NRXN3: variants seen among roughly 807,000 people sequenced by gnomAD.
The protein encoded by NRXN3 is neurexin III.
In NRXN3, 32 loss-of-function variants were observed where a neutral mutation model predicts 137.6. That is an observed-to-expected ratio of 0.23 (90% CI 0.18 to 0.31). NRXN3 has a LOEUF of 0.31. Ranked by LOEUF, NRXN3 falls within the 10% of genes least tolerant of loss-of-function variation. The pLI is 1.00. For missense variants in NRXN3, 1,574 were observed against 2,062.5 expected (o/e 0.76, Z 4.59); for synonymous variants, 798 against 784.5 (o/e 1.02, Z -0.29).
chr14:78,373,992 T>C (rs2087339394), intron 4 of NRXN3, among the ~76,000 whole-genome samples: 2 of 152,202 alleles, frequency 1.3e-5, no homozygotes, highest in Non-Finnish European at 2.9e-5. Flanking sequence ...GTTGTTGACT[T>C]TTTTGGTTTG....
intron 19 of NRXN3, among the ~76,000 whole-genome samples, chr14:79,720,198 G>A (rs1370631943): frequency 6.6e-6 from 1 of 152,144 alleles, no homozygotes; most frequent in Admixed American, 6.5e-5. Context: ...CAGCAGGCAA[G>A]AGTGTGTGTG....
Position 78,557,419 on chromosome 14 carries a change from A to G in NRXN3, c.758-87701A>G, listed in dbSNP as rs564681713. On this transcript the variant is annotated intron_variant, in intron 4 of 20. Transcript: ENST00000335750. ...TTGAATGAGGAAGGGGCAGTGTCAT[A>G]CAATGGAAGGAGCATAGTAACTCTA... 1.6e-4 allele frequency among the ~76,000 whole-genome samples: 24 copies of G among 152,200 alleles called. No homozygotes were observed. In the East Asian group the frequency reaches 4.3e-3, roughly 27 times the overall value.
At chr14:79,480,636 C>T (rs1053765117) in intron 16 of NRXN3, among the ~76,000 whole-genome samples, 3 of 152,110 alleles carry the variant, frequency 2.0e-5, no homozygotes, top group Non-Finnish European at 4.4e-5. Flanking sequence ...GGCTTGGATC[C>T]GTGTCCCCAT....
intron 7 of NRXN3, among the ~76,000 whole-genome samples, chr14:78,713,677 AG>A (rs1177517125): frequency 1.3e-5 from 2 of 152,226 alleles, no homozygotes; most frequent in African/African-American, 4.8e-5. Context: ...GGGAGGCCTC[AG>A]GACACTTACA....
intron 15 of NRXN3, among the ~76,000 whole-genome samples, chr14:79,441,388 T>TC (rs1567135902): frequency 1.6e-5 from 2 of 124,212 alleles, no homozygotes; most frequent in African/African-American, 3.5e-5. Flanking sequence ...TTTTTTTTTT[T>TC]TTTTTTTTTG....
chr14:78,722,247 G>T (rs889021455), intron 8 of NRXN3, among the ~76,000 whole-genome samples: 1 of 152,158 alleles, frequency 6.6e-6, no homozygotes, highest in African/African-American at 2.4e-5. Context: ...CTTTGGTGCA[G>T]TGTGTGACAG....
intron 4 of NRXN3, chr14:78,403,791 G>C (rs1384114528): frequency 2.3e-5 from 23 of 985,426 alleles, no homozygotes; most frequent in Non-Finnish European, 2.8e-5. Context: ...CCCTCTCTTC[G>C]TTGTTTCTGC....
intron 4 of NRXN3, among the ~76,000 whole-genome samples, chr14:78,633,017 T>C (rs1054596460): frequency 6.6e-6 from 1 of 151,708 alleles, no homozygotes; most frequent in Admixed American, 6.6e-5. Flanking sequence ...GGGCAGATCA[T>C]GAGGTCAGGA....
intron 10 of NRXN3, among the ~76,000 whole-genome samples, chr14:78,827,416 G>A (rs1410264399): frequency 2.6e-5 from 4 of 152,132 alleles, no homozygotes; most frequent in Non-Finnish European, 4.4e-5. Flanking sequence ...TATGGGTCCA[G>A]TGAATCCCAT....
intron 10 of NRXN3, among the ~76,000 whole-genome samples, chr14:78,935,821 T>C (rs780855172): frequency 6.6e-6 from 1 of 152,198 alleles, no homozygotes; most frequent in African/African-American, 2.4e-5. Flanking sequence ...TTTTCCAGGC[T>C]GGAAAAGTGT....
At chr14:79,304,570 C>T (rs184378886) in intron 15 of NRXN3, among the ~76,000 whole-genome samples, 160 of 152,094 alleles carry the variant, frequency 1.1e-3, no homozygotes, top group African/African-American at 3.7e-3. Flanking sequence ...AGACCTAATA[C>T]AAATAAAATA....
intron 15 of NRXN3, among the ~76,000 whole-genome samples, chr14:79,406,299 C>T (rs1264159808): frequency 6.7e-6 from 1 of 149,864 alleles, no homozygotes; most frequent in Non-Finnish European, 1.5e-5. Context: ...CCCTCCTCTC[C>T]TCTCCTCTCC....
intron 8 of NRXN3, among the ~76,000 whole-genome samples, chr14:78,788,522 G>A (rs1319827466): frequency 6.6e-6 from 1 of 152,146 alleles, no homozygotes; most frequent in Admixed American, 6.5e-5. Flanking sequence ...GGATGAGAAT[G>A]AGATCTGGGT....
chr14:78,412,745 G>C (rs895114896), intron 4 of NRXN3, among the ~76,000 whole-genome samples: 15 of 152,174 alleles, frequency 9.9e-5, no homozygotes, highest in African/African-American at 3.1e-4. Context: ...TTCATGGTAT[G>C]ATCAACTAAC....
At chr14:79,317,441 T>A (rs1312429308) in intron 15 of NRXN3, among the ~76,000 whole-genome samples, 1 of 152,188 alleles carries the variant, frequency 6.6e-6, no homozygotes, top group East Asian at 1.9e-4. Flanking sequence ...CACATAAGGA[T>A]GCAAGTCATA....
At chr14:78,216,431 G>T (rs2063288069) in intron 1 of NRXN3, among the ~76,000 whole-genome samples, 1 of 152,148 alleles carries the variant, frequency 6.6e-6, no homozygotes, top group South Asian at 2.1e-4. Flanking sequence ...ACCAGTGTCA[G>T]CTCTGCTGTG....
At chr14:79,629,836 T>C (rs2098326061) in intron 16 of NRXN3, among the ~76,000 whole-genome samples, 1 of 84,282 alleles carries the variant, frequency 1.2e-5, no homozygotes, top group African/African-American at 6.6e-5. Flanking sequence ...CGTGTGTGTG[T>C]GTGTGTGCGT....
chr14:79,662,553 A>G lies in NRXN3; in HGVS notation c.3445-1225A>G, dbSNP rs902717227. Among the ~76,000 whole-genome samples, 40 of 152,198 alleles carry G rather than the reference A, an allele frequency of 2.6e-4. 1 individual carries two copies. Among genetic ancestry groups the G allele is most frequent in the Middle Eastern group, 3.4e-3 (1 of 294 alleles). On this transcript the variant is annotated intron_variant, in intron 16 of 20. Coordinates refer to ENST00000335750, the MANE Select transcript of NRXN3 (RefSeq NM_001330195.2). ...CAGCATCACCATTTGCATCATTATT[A>G]TCTGTATTAGTCCATCCTCACATTG...
At chr14:79,182,966 C>CGTAA (rs2063106353) in intron 15 of NRXN3, among the ~76,000 whole-genome samples, 1 of 152,064 alleles carries the variant, frequency 6.6e-6, no homozygotes, top group Admixed American at 6.5e-5. Flanking sequence ...AGACTTACTA[C>CGTAA]AAACAGACAC....
Sources: allele counts gnomAD v4.1 joint callset (sites outside exome capture counted in the v4.1 genomes callset), GRCh38; gene constraint gnomAD v4.1.1; transcripts MANE v1.5; gene names NCBI Gene and HGNC (gene_info 2026-07-23, HGNC 2026-07-21).